ABHD2: variants seen among roughly 807,000 people sequenced by gnomAD.
ABHD2 encodes the protein abhydrolase domain containing 2, acylglycerol lipase, also known as monoacylglycerol lipase ABHD2.
Under a neutral mutation model 48.1 loss-of-function variants are expected in ABHD2, and 20 were observed. The ratio of observed to expected loss-of-function variants is 0.42; its 90% CI spans 0.29 to 0.60. The LOEUF is 0.60. Among genes scored for constraint, ABHD2 ranks in the 20% least tolerant of loss-of-function variants. The pLI is 0.24. For synonymous variants in ABHD2, 209 were observed against 214.2 expected, an observed-to-expected ratio of 0.98 and a Z score of 0.21; for missense variants, 405 against 550.9, an observed-to-expected ratio of 0.74 and a Z score of 2.65.
At chr15:89,183,384 A>AAAAAATATAT (rs61602174) in intron 6 of ABHD2, 769 of 46,146 alleles carry the variant, frequency 0.017, 20 homozygotes, top group Non-Finnish European at 0.025. Flanking sequence ...AAAAAAAAAA[A>AAAAAATATAT]ATATATATAT....
chr15:89,160,330 G>A (rs920582413), intron 5 of ABHD2, among the ~76,000 whole-genome samples: 6 of 152,066 alleles, frequency 3.9e-5, no homozygotes, highest in Admixed American at 2.0e-4. Context: ...GTTGATGTGT[G>A]GGCTTTCTAT....
At chr15:89,191,320 C>CCATA (rs2051301169) in intron 9 of ABHD2, among the ~76,000 whole-genome samples, 171 bp downstream of exon 9, 1 of 152,164 alleles carries the variant, frequency 6.6e-6, no homozygotes, top group Admixed American at 6.5e-5. Flanking sequence ...TCTGTAACTG[C>CCATA]CATACATTAA....
chr15:89,138,875 TCC>T (rs1567086016), intron 3 of ABHD2, among the ~76,000 whole-genome samples: 1 of 151,032 alleles, frequency 6.6e-6, no homozygotes. Flanking sequence ...TCTTTTTTTT[TCC>T]TCATTTTTAA....
rs1484690908 is a variant in ABHD2 at position 89,189,430 on chromosome 15, T to C, written c.926+1127T>C. On this transcript the variant is annotated intron_variant, in intron 8 of 10. Coordinates refer to ENST00000352732, the MANE Select transcript of ABHD2 (RefSeq NM_152924.5). This position sits in a 1 kb window ranked among gnomAD's most constrained non-coding sequence, Gnocchi z 4.9. ...ATCACTTGAGCTCATAAGTTTGAGA[T>C]TACAGTGAGCTATGGTCCCAACACT... is the stretch of plus-strand genomic sequence containing the variant. Among the ~76,000 whole-genome samples the C allele has an allele frequency of 6.6e-6, 1 of 151,888 alleles. No homozygotes were observed. Among genetic ancestry groups the C allele is most frequent in the Non-Finnish European group, 1.5e-5 (1 of 67,968 alleles).
At chr15:89,061,550 GAATCT>G in the ABHD2 span, among the ~76,000 whole-genome samples, 1 of 152,038 alleles carries the variant, frequency 6.6e-6, no homozygotes, top group Non-Finnish European at 1.5e-5. Flanking sequence ...TATACCTCCT[GAATCT>G]AAACAATTCA....
intron 5 of ABHD2, among the ~76,000 whole-genome samples, chr15:89,162,818 C>T (rs900258691): frequency 6.6e-6 from 1 of 152,162 alleles, no homozygotes; most frequent in Non-Finnish European, 1.5e-5. Flanking sequence ...ATCTGTCTCT[C>T]CATCCCAGAA....
intron 3 of ABHD2, among the ~76,000 whole-genome samples, chr15:89,118,833 A>G (rs2050003163): frequency 6.6e-6 from 1 of 152,166 alleles, no homozygotes; most frequent in Non-Finnish European, 1.5e-5. Flanking sequence ...TTTTAAAAAT[A>G]ATCCAGAGAC....
chr15:89,179,728 C>T lies in ABHD2; in HGVS notation c.722+3733C>T, dbSNP rs1468210719. On this transcript the variant is annotated intron_variant, in intron 6 of 10. Transcript: ENST00000352732. This position sits in a 1 kb window ranked among gnomAD's most constrained non-coding sequence, Gnocchi z 4.3. Reference sequence around the variant, plus strand: ...CAAATTGTCTTCCACAAAGCCAGTCCCAAGGACTGCTTCCTTACAGGACAG... The same window carrying T: ...CAAATTGTCTTCCACAAAGCCAGTCTCAAGGACTGCTTCCTTACAGGACAG... Among the ~76,000 whole-genome samples the T allele has an allele frequency of 1.3e-5, 2 of 152,176 alleles. No homozygotes were observed. Among genetic ancestry groups the T allele is most frequent in the Non-Finnish European group, 1.5e-5 (1 of 68,022 alleles).
At chr15:89,117,280 C>T (rs2049976730) in intron 3 of ABHD2, among the ~76,000 whole-genome samples, 1 of 152,214 alleles carries the variant, frequency 6.6e-6, no homozygotes, top group Non-Finnish European at 1.5e-5. Context: ...CCCGCCTTGG[C>T]CTCCCAAAGT....
chr15:89,127,737 A>ATATATATATATATG, intron 3 of ABHD2, among the ~76,000 whole-genome samples: 1 of 141,796 alleles, frequency 7.1e-6, no homozygotes, highest in African/African-American at 2.6e-5. Flanking sequence ...ATATATATAT[A>ATATATATATATATG]TATGTATATT....
Position 89,185,660 on chromosome 15 carries a change from T to C in ABHD2, c.815+144T>C. 1.3e-6 allele frequency: 1 copy of C among 767,788 alleles called. No homozygotes were observed. Among genetic ancestry groups the C allele is most frequent in the East Asian group, 2.8e-5 (1 of 36,194 alleles). 47.6% of individuals were successfully genotyped at this position (767,788 alleles called of 1,614,324 possible). ...ACAGACTCTCTGCTGCCTGCATTTG[T>C]GACTTGATTAGAAACAAACTTGTCT... On this transcript the variant is annotated intron_variant, in intron 7 of 10. Transcript: ENST00000352732. This position sits in a 1 kb window ranked among gnomAD's most constrained non-coding sequence, Gnocchi z 5.9.
At chr15:89,183,029 T>C (rs1287868350) in intron 6 of ABHD2, among the ~76,000 whole-genome samples, 10 of 152,170 alleles carry the variant, frequency 6.6e-5, no homozygotes, top group Admixed American at 5.9e-4. Context: ...GTTGCAGATA[T>C]CATTTCATCT....
Position 89,198,710 on chromosome 15 carries a change from T to C in ABHD2, c.*3287T>C, listed in dbSNP as rs2051438759. ...CATCTCTAAGACCACTTCATCTATT[T>C]ACACATCATTTGCTTGAACATTGCT... On this transcript the variant is annotated 3_prime_UTR_variant, in exon 11 of 11. Coordinates refer to ENST00000352732, the MANE Select transcript of ABHD2 (RefSeq NM_152924.5). The surrounding 1 kb of genome is among the most constrained non-coding windows in gnomAD (Gnocchi z 5.1). The C allele has an allele frequency of 6.6e-6, 1 of 152,252 alleles. No individual in the cohort carries two copies. The highest frequency in any genetic ancestry group is 1.9e-4 in the East Asian group (1 of 5,196). 9.4% of individuals were successfully genotyped at this position (152,252 alleles called of 1,614,324 possible).
In ABHD2 at chr15:89,122,235, T is replaced by C. The variant is rs74879836; in HGVS notation, c.194+5714T>C. 1.8e-3 allele frequency among the ~76,000 whole-genome samples: 267 copies of C among 152,324 alleles called. 3 individuals carry two copies. The highest frequency in any genetic ancestry group is 6.2e-3 in the African/African-American group (256 of 41,576). On this transcript the variant is annotated intron_variant, in intron 3 of 10. Transcript: ENST00000352732. ...CTTCCTACCATGTTTCCCCAACATA[T>C]AACTTCTGTGTCCGTTTAAAATGTT...
At chr15:89,170,090 T>TTTTTA (rs1278324848) in intron 5 of ABHD2, among the ~76,000 whole-genome samples, 5 of 99,168 alleles carry the variant, frequency 5.0e-5, no homozygotes, top group Admixed American at 2.0e-4. Flanking sequence ...CTTTTTTTTT[T>TTTTTA]TTTTTTTTTT....
Position 89,184,226 on chromosome 15 carries a change from A to G in ABHD2, c.723-1198A>G, listed in dbSNP as rs1009660. On this transcript the variant is annotated intron_variant, in intron 6 of 10. Transcript: ENST00000352732. This position sits in a 1 kb window ranked among gnomAD's most constrained non-coding sequence, Gnocchi z 5.1. The stretch of plus-strand genomic sequence containing the variant: ...CACGACATTGTGGGAAATGTTTGTC[A>G]CTCCAAAACTGTGGAATTTTGCCAT... Among the ~76,000 whole-genome samples, 4,067 of 152,184 alleles carry G rather than the reference A, an allele frequency of 0.027. 103 individuals carry two copies. Among genetic ancestry groups the G allele is most frequent in the Non-Finnish European group, 0.042 (2,881 of 68,000 alleles).
At chr15:89,180,865 T>C (rs1272099474) in intron 6 of ABHD2, among the ~76,000 whole-genome samples, 1 of 152,082 alleles carries the variant, frequency 6.6e-6, no homozygotes, top group East Asian at 1.9e-4. Context: ...ACCAACTCAG[T>C]GGGAAACGAG....
In ABHD2 at chr15:89,196,841, G is replaced by A. The variant is rs192840398; in HGVS notation, c.*1418G>A. 3.6e-3 allele frequency: 555 copies of A among 152,670 alleles called. 1 individual carries two copies. The highest frequency in any genetic ancestry group is 5.8e-3 in the Non-Finnish European group (395 of 68,024). The allele number at this position is 152,670 out of a possible 1,614,324, so 9.5% of individuals were successfully genotyped here. ...TTCTCAAGTGAAAACGCAACTCTAG[G>A]TTTCAAGTACTCCTTTTCTCCGATC... On this transcript the variant is annotated 3_prime_UTR_variant, in exon 11 of 11. Transcript: ENST00000352732.
chr15:89,186,318 C>G lies in ABHD2; in HGVS notation c.815+802C>G, dbSNP rs2051209418. On this transcript the variant is annotated intron_variant, in intron 7 of 10. Transcript: ENST00000352732. The surrounding 1 kb of genome is among the most constrained non-coding windows in gnomAD (Gnocchi z 4.3). Reference sequence around the variant, plus strand: ...GTAATCCTGTGGTGGGTTAACCTGTCAAGTGCTTAGAGCAGTGCTGTTATG... The same window carrying G: ...GTAATCCTGTGGTGGGTTAACCTGTGAAGTGCTTAGAGCAGTGCTGTTATG... Among the ~76,000 whole-genome samples, 1 of 152,200 alleles carries G rather than the reference C, an allele frequency of 6.6e-6. No individual in the cohort carries two copies. Among genetic ancestry groups the G allele is most frequent in the Non-Finnish European group, 1.5e-5 (1 of 68,036 alleles).
Sources: gnomAD v4.1 joint callset for allele counts (sites outside exome capture counted in the v4.1 genomes callset) on GRCh38, gnomAD v4.1.1 for gene constraint, Gnocchi (gnomAD v3.1) non-coding constraint, MANE v1.5 for transcripts, NCBI Gene and HGNC (gene_info 2026-07-23, HGNC 2026-07-21) for gene names.